Variants in FBN1 observed in about 807,000 individuals in gnomAD.
FBN1 encodes the protein fibrillin-1.
A neutral mutation model predicts 365.1 loss-of-function variants in FBN1; 29 were observed. The observed-to-expected ratio is 0.08, with a 90% CI of 0.06 to 0.11. The LOEUF is 0.11. Ranked by LOEUF, FBN1 falls within the 10% of genes least tolerant of loss-of-function variation. The pLI is 1.00. For synonymous variants in FBN1, 1,210 were observed against 1,270.5 expected (o/e 0.95, Z 1.01); for missense variants, 2,476 against 3,703.2 (o/e 0.67, Z 8.60).
At chr15:48,533,966 A>G in intron 8 of FBN1, 114 bp downstream of exon 8, 1 of 1,400,688 alleles carries the variant, frequency 7.1e-7, no homozygotes, top group Non-Finnish European at 1.0e-6. Flanking sequence ...ACACATTCAC[A>G]GGGATGACAA....
chr15:48,476,135 T>C (rs1208307827), intron 32 of FBN1, among the ~76,000 whole-genome samples: 1 of 152,184 alleles, frequency 6.6e-6, no homozygotes, highest in Admixed American at 6.5e-5. Context: ...ATAACAGTGC[T>C]AAGTAGGCAC....
At chr15:48,584,301 C>T (rs2044419330) in intron 6 of FBN1, among the ~76,000 whole-genome samples, 1 of 152,096 alleles carries the variant, frequency 6.6e-6, no homozygotes, top group African/African-American at 2.4e-5. Flanking sequence ...ACCAATCCAG[C>T]AAGTAGCAAG....
intron 6 of FBN1, among the ~76,000 whole-genome samples, chr15:48,555,405 C>G (rs937188643): frequency 6.6e-6 from 1 of 152,186 alleles, no homozygotes; most frequent in African/African-American, 2.4e-5. Flanking sequence ...AAGAACATGT[C>G]TGGTTGTCTC....
rs778655626 is a variant in FBN1, at chr15:48,610,772, G to A, written c.302C>T (p.Thr101Ile). The A allele has an allele frequency of 3.7e-6, 6 of 1,614,040 alleles. No homozygotes were observed. The highest frequency in any genetic ancestry group is 1.1e-5 in the South Asian group (1 of 91,086). ...AGGAGCTATCTGACCAGATGGGCAA[G>A]TGCACATATTTGGCCTCGAACAAAA... ...DGFCSRPNMC[T>I]CPSGQIAPSC... The change falls in exon 4 of 66, where the codon ACT (threonine) becomes ATT (isoleucine). Residue 101 changes from threonine to isoleucine, a missense_variant. Physicochemically the swap from Thr to Ile is moderately conservative, Grantham distance 89 (BLOSUM62 -1). Around this residue, in one of 5 missense-constraint regions of FBN1, gnomAD observed 22 missense variants for 64.1 expected, o/e 0.34. Transcript: ENST00000316623.
In FBN1 at chr15:48,451,656, C is replaced by A. The variant is rs545411182; in HGVS notation, c.5545+906G>T. ...CAAATGCATAAAATATCCAGGAAAC[C>A]CCCCGTGAAATGAACCGTGAGCAAA... is the stretch of plus-strand genomic sequence containing the variant. On this transcript the variant is annotated intron_variant, in intron 45 of 65. Coordinates refer to ENST00000316623, the MANE Select transcript of FBN1 (RefSeq NM_000138.5). 3.0e-4 allele frequency among the ~76,000 whole-genome samples: 46 copies of A among 152,188 alleles called. 1 individual carries two copies. The highest frequency in any genetic ancestry group is 2.6e-4 in the Admixed American group (4 of 15,292).
chr15:48,577,438 A>T lies in FBN1; in HGVS notation c.538+18845T>A, dbSNP rs569507961. Among the ~76,000 whole-genome samples the T allele has an allele frequency of 1.4e-4, 21 of 152,292 alleles. No homozygotes were observed. In the South Asian group the frequency reaches 4.1e-3, roughly 30 times the overall value. On this transcript the variant is annotated intron_variant, in intron 6 of 65. Transcript: ENST00000316623. ...TTGAGTCAGAAACTCAGTTCTCAAA[A>T]TTAAAAAGTATTTCAGGTTTATAAA...
chr15:48,424,051 T>C (rs1047429900), intron 60 of FBN1, among the ~76,000 whole-genome samples: 31 of 152,252 alleles, frequency 2.0e-4, no homozygotes, highest in Non-Finnish European at 3.8e-4. Flanking sequence ...TATTTTCCCC[T>C]TGAATTTGGT....
chr15:48,546,306 C>A (rs1322256716), intron 6 of FBN1, among the ~76,000 whole-genome samples: 2 of 152,170 alleles, frequency 1.3e-5, no homozygotes, highest in Non-Finnish European at 2.9e-5. Context: ...ATGAAACAAG[C>A]ATGCTGCTGT....
chr15:48,514,294 C>A (rs1404978732), intron 12 of FBN1, among the ~76,000 whole-genome samples: 1 of 152,218 alleles, frequency 6.6e-6, no homozygotes, highest in African/African-American at 2.4e-5. Context: ...AGATAACCCA[C>A]TTGTCCACAT....
intron 6 of FBN1, among the ~76,000 whole-genome samples, chr15:48,559,080 A>C (rs1431049650): frequency 6.6e-6 from 1 of 152,238 alleles, no homozygotes; most frequent in African/African-American, 2.4e-5. Context: ...GGTCAATGCA[A>C]AGAGCAGAAG....
intron 15 of FBN1, among the ~76,000 whole-genome samples, chr15:48,507,031 C>CA (rs2043714593): frequency 6.6e-6 from 1 of 152,106 alleles, no homozygotes; most frequent in African/African-American, 2.4e-5. Flanking sequence ...TGATAGGATA[C>CA]TATTTCACTG....
In FBN1 at chr15:48,515,383, G is replaced by T. The variant is rs765579667; in HGVS notation, c.1468+4C>A. The T allele has an allele frequency of 1.2e-6, 2 of 1,613,706 alleles. No individual in the cohort carries two copies. The highest frequency in any genetic ancestry group is 2.2e-5 in the East Asian group (1 of 44,894). On this transcript the variant is annotated splice_donor_region_variant and intron_variant, in intron 12 of 65. Transcript: ENST00000316623. ...TTGGTGCCAACCTAGGATGGATCACGTACCAATACACTCCCCACGGAGGTC... is the reference window on the plus strand; with the variant it reads ...TTGGTGCCAACCTAGGATGGATCACTTACCAATACACTCCCCACGGAGGTC...
chr15:48,435,768 G>A (rs11070642), intron 53 of FBN1, among the ~76,000 whole-genome samples: 64,158 of 110,910 alleles, frequency 0.58, 22,690 homozygotes, highest in Middle Eastern at 0.76. Flanking sequence ...ATATATATGT[G>A]TATATGTGTG....
intron 6 of FBN1, among the ~76,000 whole-genome samples, chr15:48,546,472 C>T (rs1293914058): frequency 6.6e-6 from 1 of 152,184 alleles, no homozygotes; most frequent in Non-Finnish European, 1.5e-5. Context: ...AGAACAGTGG[C>T]TCTGGGCTGG....
rs2141207852 is a variant in FBN1, at chr15:48,409,479, G to A, written c.*1511C>T. 6.6e-6 allele frequency: 1 copy of A among 152,050 alleles called. No homozygotes were observed. The highest frequency in any genetic ancestry group is 2.4e-5 in the African/African-American group (1 of 41,460). The allele number at this position is 152,050 out of a possible 1,614,324, so 9.4% of individuals were successfully genotyped here. The stretch of plus-strand genomic sequence containing the variant: ...CCACGAAATGCTTTCCTGCCCTTAG[G>A]GATTTAAAAAATTATTTCATATCGA... On this transcript the variant is annotated 3_prime_UTR_variant, in exon 66 of 66. Transcript: ENST00000316623.
intron 5 of FBN1, among the ~76,000 whole-genome samples, chr15:48,599,175 T>C (rs1484863399): frequency 1.3e-5 from 2 of 152,202 alleles, no homozygotes; most frequent in Non-Finnish European, 2.9e-5. Context: ...TCTCTACATT[T>C]TTGTTTATTT....
chr15:48,435,618 G>A (rs1034667137), intron 53 of FBN1, among the ~76,000 whole-genome samples: 1 of 151,800 alleles, frequency 6.6e-6, no homozygotes, highest in Non-Finnish European at 1.5e-5. Context: ...GGTTATGACC[G>A]CTCTAAAACA....
rs569412638 is a variant in FBN1 at position 48,615,871 on chromosome 15, G to C, written c.165-2779C>G. ...TACAGAGGTACAAACATGGTAGATG[G>C]TGTTACATGAGAAGAACAAAAAACA... On this transcript the variant is annotated intron_variant, in intron 2 of 65. Coordinates refer to ENST00000316623, the MANE Select transcript of FBN1 (RefSeq NM_000138.5). Among the ~76,000 whole-genome samples, 61 of 152,298 alleles carry C rather than the reference G, an allele frequency of 4.0e-4. 2 individuals are homozygous for C. In the South Asian group the frequency reaches 0.012, roughly 30 times the overall value.
At chr15:48,640,238 C>T (rs1368974972) in intron 2 of FBN1, among the ~76,000 whole-genome samples, 2 of 152,124 alleles carry the variant, frequency 1.3e-5, no homozygotes, top group Non-Finnish European at 1.5e-5. Context: ...AAATGAGTCA[C>T]ATAAATAAAT....
Sources: gnomAD v4.1 joint callset for allele counts (sites outside exome capture counted in the v4.1 genomes callset) on GRCh38, gnomAD v4.1.1 for gene constraint, gnomAD v4.1.1 regional missense constraint, MANE v1.5 for transcripts, NCBI Gene and HGNC (gene_info 2026-07-23, HGNC 2026-07-21) for gene names.